The following CCDC73 variants were observed in gnomAD, a reference collection of about 807,000 sequenced individuals.
The protein encoded by CCDC73 is coiled-coil domain-containing protein 73.
A neutral mutation model predicts 116.5 loss-of-function variants in CCDC73; 95 were observed. The observed-to-expected ratio is 0.82, with a 90% CI of 0.69 to 0.97. CCDC73 has a LOEUF of 0.97. CCDC73 is among the 50% of genes least tolerant of loss of function. The pLI is 0.00. For synonymous variants in CCDC73, 398 were observed against 401.3 expected (o/e 0.99, Z 0.10); for missense variants, 1,066 against 1,206.8 (o/e 0.88, Z 1.73).
chr11:32,826,150 C>G, the CCDC73 span, among the ~76,000 whole-genome samples: 2 of 152,084 alleles, frequency 1.3e-5, no homozygotes, highest in Non-Finnish European at 2.9e-5. Context: ...AATTCTTAAC[C>G]CCTTTACTGA....
At chr11:32,705,613 C>T (rs140332201) in intron 3 of CCDC73, among the ~76,000 whole-genome samples, 3 of 152,206 alleles carry the variant, frequency 2.0e-5, no homozygotes, top group East Asian at 1.9e-4. Flanking sequence ...GAGTGCAGCC[C>T]GCCAGGTCAA....
chr11:32,734,065 C>T (rs1040048938), intron 2 of CCDC73, among the ~76,000 whole-genome samples: 2 of 152,180 alleles, frequency 1.3e-5, no homozygotes, highest in South Asian at 2.1e-4. Context: ...ATCAAATAGT[C>T]GCAATAAAAC....
chr11:32,744,258 C>T (rs1157590967), intron 2 of CCDC73, among the ~76,000 whole-genome samples: 3 of 152,170 alleles, frequency 2.0e-5, no homozygotes, highest in Non-Finnish European at 2.9e-5. Flanking sequence ...GGGATGAAGA[C>T]AACTTGATCA....
the CCDC73 span, among the ~76,000 whole-genome samples, chr11:32,829,377 A>G: frequency 2.6e-5 from 4 of 152,244 alleles, no homozygotes; most frequent in Non-Finnish European, 5.9e-5. Context: ...TATTGTTACT[A>G]TAATGGAAAT....
Position 32,651,494 on chromosome 11 carries a change from C to T in CCDC73, c.939+1629G>A, listed in dbSNP as rs534927610. 5.3e-5 allele frequency among the ~76,000 whole-genome samples: 8 copies of T among 152,124 alleles called. No individual in the cohort carries two copies. The South Asian group carries it at 1.0e-3, about 20-fold the overall frequency. On this transcript the variant is annotated intron_variant, in intron 12 of 17. Coordinates refer to ENST00000335185, the MANE Select transcript of CCDC73 (RefSeq NM_001008391.4). ...CAGTCAAACTGCACCAGTGGCAGGACGGGAACGAGGAGTAGGAGGCAAAGC... is the reference window on the plus strand; with the variant it reads ...CAGTCAAACTGCACCAGTGGCAGGATGGGAACGAGGAGTAGGAGGCAAAGC...
intron 7 of CCDC73, chr11:32,681,635 C>T (rs1363152292): frequency 6.6e-6 from 1 of 151,852 alleles, no homozygotes; most frequent in African/African-American, 2.4e-5. Context: ...CTTTTAGGAC[C>T]CTAACTTTAT....
At chr11:32,755,855 G>GTATATATATATCTTCATATATATATCTA in intron 2 of CCDC73, among the ~76,000 whole-genome samples, 1 of 128,228 alleles carries the variant, frequency 7.8e-6, no homozygotes, top group African/African-American at 2.9e-5. Flanking sequence ...ATATATGTGT[G>GTATATATATATCTTCATATATATATCTA]TGTATATATC....
intron 12 of CCDC73, among the ~76,000 whole-genome samples, chr11:32,643,141 G>A (rs1855748176): frequency 6.6e-6 from 1 of 151,622 alleles, no homozygotes; most frequent in Non-Finnish European, 1.5e-5. Context: ...TCTATTTAGA[G>A]AATTCTCAAT....
At chr11:32,739,469 G>A (rs1408371573) in intron 2 of CCDC73, among the ~76,000 whole-genome samples, 1 of 152,082 alleles carries the variant, frequency 6.6e-6, no homozygotes, top group Non-Finnish European at 1.5e-5. Context: ...TTGTAAATGA[G>A]ATTACTTTCT....
At chr11:32,727,999 C>CCTAGCA (rs1308966959) in intron 2 of CCDC73, among the ~76,000 whole-genome samples, 1 of 152,036 alleles carries the variant, frequency 6.6e-6, no homozygotes, top group African/African-American at 2.4e-5. Context: ...CGCCTGTAAT[C>CCTAGCA]CTAGCACTTT....
intron 3 of CCDC73, among the ~76,000 whole-genome samples, chr11:32,707,723 T>TATCA (rs1281218389): frequency 6.6e-6 from 1 of 152,102 alleles, no homozygotes; most frequent in East Asian, 1.9e-4. Context: ...GTATGATTAA[T>TATCA]CTCAAGGGGG....
chr11:32,659,039 T>A (rs546853809), intron 9 of CCDC73, among the ~76,000 whole-genome samples: 156 of 152,138 alleles, frequency 1.0e-3, no homozygotes, highest in Non-Finnish European at 1.4e-3. Context: ...GCTAAAAAAA[T>A]ACAAATTATT....
chr11:32,781,406 C>T (rs953242406), intron 1 of CCDC73, among the ~76,000 whole-genome samples: 3 of 152,134 alleles, frequency 2.0e-5, no homozygotes, highest in Non-Finnish European at 2.9e-5. Flanking sequence ...CCTGAGAAAG[C>T]TAGGAAAACT....
At chr11:32,782,791 T>A (rs1363834698) in intron 1 of CCDC73, among the ~76,000 whole-genome samples, 5 of 151,922 alleles carry the variant, frequency 3.3e-5, no homozygotes, top group African/African-American at 1.2e-4. Flanking sequence ...AAAAGATGCT[T>A]CACAGAAACA....
At chr11:32,644,482 C>T (rs1259647377) in intron 12 of CCDC73, among the ~76,000 whole-genome samples, 3 of 152,224 alleles carry the variant, frequency 2.0e-5, no homozygotes, top group Middle Eastern at 6.8e-3. Context: ...GTTAAAAATA[C>T]ATATATGTAA....
intron 1 of CCDC73, among the ~76,000 whole-genome samples, chr11:32,790,893 C>T (rs935874002): frequency 1.3e-5 from 2 of 152,074 alleles, no homozygotes; most frequent in African/African-American, 4.8e-5. Context: ...TAATTTGAGC[C>T]ACCTTATAAA....
chr11:32,629,882 TCAGA>T (rs1855613917), intron 14 of CCDC73, among the ~76,000 whole-genome samples: 1 of 124,184 alleles, frequency 8.1e-6, no homozygotes, highest in African/African-American at 3.3e-5. Flanking sequence ...AACCACCTTT[TCAGA>T]CAAACAAAAG....
chr11:32,731,259 T>C (rs1428883257), intron 2 of CCDC73, among the ~76,000 whole-genome samples: 1 of 152,052 alleles, frequency 6.6e-6, no homozygotes, highest in Non-Finnish European at 1.5e-5. Flanking sequence ...CTTGAGTAGG[T>C]AAACAAAGTG....
chr11:32,683,340 C>T (rs1002295365), intron 7 of CCDC73, 196 bp downstream of exon 7: 10 of 568,710 alleles, frequency 1.8e-5, no homozygotes, highest in Admixed American at 1.3e-4. Flanking sequence ...TATGTAATCT[C>T]GAAATAAATT....
Sources: allele counts gnomAD v4.1 joint callset (sites outside exome capture counted in the v4.1 genomes callset), GRCh38; gene constraint gnomAD v4.1.1; transcripts MANE v1.5; gene names NCBI Gene and HGNC (gene_info 2026-07-23, HGNC 2026-07-21).